The following INPP4A variants were observed in gnomAD, a reference collection of about 807,000 sequenced individuals.
The protein encoded by INPP4A is inositol polyphosphate-4-phosphatase type I A.
In INPP4A, 33 loss-of-function variants were observed where a neutral mutation model predicts 119.8. The ratio of observed to expected loss-of-function variants is 0.28; its 90% CI spans 0.21 to 0.37. INPP4A has a LOEUF of 0.37. Ranked by LOEUF, INPP4A falls within the 10% of genes least tolerant of loss-of-function variation. INPP4A has a pLI of 1.00. For synonymous variants in INPP4A, 496 were observed against 500.7 expected, an observed-to-expected ratio of 0.99 and a Z score of 0.12; for missense variants, 956 against 1,289.9, an observed-to-expected ratio of 0.74 and a Z score of 3.97.
intron 24 of INPP4A, among the ~76,000 whole-genome samples, chr2:98,579,337 C>T (rs1388357571): frequency 6.6e-6 from 1 of 152,218 alleles, no homozygotes; most frequent in African/African-American, 2.4e-5. Flanking sequence ...AGACGTGAGC[C>T]ACCATGCCCA....
In INPP4A at chr2:98,587,753, G is replaced by T; in HGVS notation, c.*145G>T. On this transcript the variant is annotated 3_prime_UTR_variant, in exon 25 of 25. Coordinates refer to ENST00000409851, the MANE Select transcript of INPP4A (RefSeq NM_001134225.2). ...AAAACATTTCACTAAAGAGTCTCTG[G>T]AGCATGTTTTTTGTTTTTTGGGTTT... 1 of 688,196 alleles carries T rather than the reference G, an allele frequency of 1.5e-6. No individual in the cohort carries two copies. Among genetic ancestry groups the T allele is most frequent in the Non-Finnish European group, 2.3e-6 (1 of 438,838 alleles). 42.6% of individuals were successfully genotyped at this position (688,196 alleles called of 1,614,324 possible). A position where few individuals can be genotyped will look rare whatever the true frequency, so the allele number is the denominator to read the frequency against.
rs1694079496 is a variant in INPP4A at position 98,554,311 on chromosome 2, C to A, written c.1388C>A (p.Ala463Asp). ...LVTVCDCKLLANSIHGLNAAR... is the reference protein window; with the variant it reads ...LVTVCDCKLLDNSIHGLNAAR... ...ACGGTCTGCGACTGCAAGCTCCTGG[C>A]CAACTCCATCCATGGGCTGAACGCT... The change falls in exon 15 of 25, where the codon GCC becomes GAC. Residue 463 changes from alanine to aspartate, a missense_variant. Physicochemically the swap from Ala to Asp is moderately radical, Grantham distance 126. Transcript: ENST00000409851. The surrounding 1 kb of genome is among the most constrained non-coding windows in gnomAD (Gnocchi z 4.7). 6.2e-7 allele frequency: 1 copy of A among 1,611,754 alleles called. No homozygotes were observed. Among genetic ancestry groups the A allele is most frequent in the Non-Finnish European group, 8.5e-7 (1 of 1,179,132 alleles).
rs561417698 is a variant in INPP4A, at chr2:98,472,367, C to T, written c.-166+27282C>T. Among the ~76,000 whole-genome samples, 471 of 152,324 alleles carry T rather than the reference C, an allele frequency of 3.1e-3. 5 individuals are homozygous for T. The highest frequency in any genetic ancestry group is 0.011 in the African/African-American group (439 of 41,576). ...ACACCCACGGCAGCGTGCACAGACTCGAGTCCCCCAGCAGATTCTCTTGGC... is the reference window on the plus strand; with the variant it reads ...ACACCCACGGCAGCGTGCACAGACTTGAGTCCCCCAGCAGATTCTCTTGGC... On this transcript the variant is annotated intron_variant, in intron 1 of 24. Transcript: ENST00000409851.
chr2:98,505,923 T>G (rs1488999625), intron 1 of INPP4A, among the ~76,000 whole-genome samples: 1 of 152,276 alleles, frequency 6.6e-6, no homozygotes, highest in East Asian at 1.9e-4. Flanking sequence ...TTTTGTTTTT[T>G]AAACTTTATT....
At chr2:98,578,793 T>A (rs3769700) in intron 24 of INPP4A, among the ~76,000 whole-genome samples, 1 of 152,236 alleles carries the variant, frequency 6.6e-6, no homozygotes, top group East Asian at 1.9e-4. Flanking sequence ...GCCCCTACAC[T>A]AGTTCCTCAG....
intron 17 of INPP4A, 112 bp downstream of exon 17, chr2:98,559,607 A>G: frequency 8.7e-7 from 1 of 1,146,796 alleles, no homozygotes; most frequent in Non-Finnish European, 1.3e-6. Context: ...TTGGGAAAGT[A>G]TTCCAGGACC....
intron 1 of INPP4A, among the ~76,000 whole-genome samples, chr2:98,491,329 G>T (rs1293229662): frequency 6.6e-6 from 1 of 152,340 alleles, no homozygotes; most frequent in East Asian, 1.9e-4. Flanking sequence ...GCAGCGCCAC[G>T]TAGGGCCTGG....
chr2:98,469,513 A>G (rs1265735237), intron 1 of INPP4A, among the ~76,000 whole-genome samples: 12 of 146,576 alleles, frequency 8.2e-5, no homozygotes, highest in African/African-American at 3.0e-4. Context: ...AAAAAAAAAA[A>G]GAACTTGGGC....
chr2:98,483,028 A>G (rs1033803283), intron 1 of INPP4A, among the ~76,000 whole-genome samples: 3 of 152,132 alleles, frequency 2.0e-5, no homozygotes, highest in Non-Finnish European at 2.9e-5. Context: ...AACCCTAACC[A>G]CTTCTGGTGT....
At chr2:98,549,217 G>A (rs1432554933) in intron 13 of INPP4A, among the ~76,000 whole-genome samples, 2 of 152,120 alleles carry the variant, frequency 1.3e-5, no homozygotes, top group Non-Finnish European at 2.9e-5. Flanking sequence ...CTCTGAGAAA[G>A]GACCTAGTTC....
At chr2:98,558,328 G>T (rs908743487) in intron 16 of INPP4A, among the ~76,000 whole-genome samples, 1 of 152,124 alleles carries the variant, frequency 6.6e-6, no homozygotes, top group Non-Finnish European at 1.5e-5. Flanking sequence ...GCAAAAATCT[G>T]TATTTTTTCA....
Position 98,589,528 on chromosome 2 carries a change from T to C in INPP4A, c.*1920T>C, listed in dbSNP as rs185112414. 7.2e-5 allele frequency: 13 copies of C among 180,632 alleles called. No homozygotes were observed. In the East Asian group the frequency reaches 1.1e-3, roughly 15 times the overall value. The allele number at this position is 180,632 out of a possible 1,614,324, so 11.2% of individuals were successfully genotyped here. On this transcript the variant is annotated 3_prime_UTR_variant, in exon 25 of 25. Transcript: ENST00000409851. ...GCAAATGTTGATCATCTGTCAGCAG[T>C]TTTGCATGTGACACCTTTATATGAA...
At chr2:98,545,443 A>G (rs1281235409) in intron 11 of INPP4A, among the ~76,000 whole-genome samples, 1 of 152,194 alleles carries the variant, frequency 6.6e-6, no homozygotes, top group Non-Finnish European at 1.5e-5. Context: ...AATCAATGCT[A>G]TATTGCATTT....
chr2:98,479,775 C>G (rs1678032278), intron 1 of INPP4A, among the ~76,000 whole-genome samples: 1 of 152,240 alleles, frequency 6.6e-6, no homozygotes, highest in African/African-American at 2.4e-5. Flanking sequence ...TCCTTTGTCC[C>G]TGTTTGACCA....
intron 1 of INPP4A, among the ~76,000 whole-genome samples, chr2:98,464,343 A>G (rs1459435729): frequency 1.3e-5 from 2 of 152,098 alleles, no homozygotes; most frequent in Non-Finnish European, 2.9e-5. Flanking sequence ...CGACGGAGGA[A>G]GTGGAATTAT....
In INPP4A at chr2:98,471,637, G is replaced by A. The variant is rs190343896; in HGVS notation, c.-166+26552G>A. 2.8e-4 allele frequency among the ~76,000 whole-genome samples: 43 copies of A among 152,342 alleles called. No individual in the cohort carries two copies. The East Asian group carries it at 5.8e-3, about 21-fold the overall frequency. ...TCAGTGTGTGTTTGCCAAGTAGACT[G>A]TGTAGATTTGAAGTGCTTAGACTGG... is the stretch of plus-strand genomic sequence containing the variant. On this transcript the variant is annotated intron_variant, in intron 1 of 24. Coordinates refer to ENST00000409851, the MANE Select transcript of INPP4A (RefSeq NM_001134225.2).
chr2:98,534,641 G>T (rs1322649084), intron 5 of INPP4A, among the ~76,000 whole-genome samples: 1 of 152,206 alleles, frequency 6.6e-6, no homozygotes, highest in East Asian at 1.9e-4. Flanking sequence ...ATCCTGGTCA[G>T]TGTGTGAAAG....
intron 19 of INPP4A, among the ~76,000 whole-genome samples, chr2:98,565,321 T>G (rs1394024150): frequency 1.3e-5 from 2 of 152,236 alleles, no homozygotes; most frequent in African/African-American, 4.8e-5. Context: ...CATTTCGTGT[T>G]TCAAGAGCTG....
Position 98,535,829 on chromosome 2 carries a change from A to T in INPP4A, c.371A>T (p.Asp124Val). ...QVKLSVYDVK[D>V]RSQGTMYLLG... The stretch of plus-strand genomic sequence containing the variant: ...AAACTCTCCGTGTATGATGTCAAAG[A>T]TAGATCTCAGGGAACAGTTAAGTAA... Residue 124 changes from aspartate (D) to valine (V), a missense_variant, in exon 6 of 25, where the codon GAT becomes GTT. Asp to Val is a radical substitution (Grantham distance 152). Coordinates refer to ENST00000409851, the MANE Select transcript of INPP4A (RefSeq NM_001134225.2). The T allele has an allele frequency of 6.5e-7, 1 of 1,533,204 alleles. No individual in the cohort carries two copies. The highest frequency in any genetic ancestry group is 9.0e-7 in the Non-Finnish European group (1 of 1,113,240). The allele number at this position is 1,533,204 out of a possible 1,614,324, so 95.0% of individuals were successfully genotyped here.
Sources: allele counts gnomAD v4.1 joint callset (sites outside exome capture counted in the v4.1 genomes callset), GRCh38; gene constraint gnomAD v4.1.1; non-coding constraint Gnocchi (gnomAD v3.1); transcripts MANE v1.5; gene names NCBI Gene and HGNC (gene_info 2026-07-23, HGNC 2026-07-21).